Variants in RAB11B observed in about 807,000 individuals in gnomAD.
The protein encoded by RAB11B is ras-related protein Rab-11B.
A neutral mutation model predicts 23.7 loss-of-function variants in RAB11B; 7 were observed. The ratio of observed to expected loss-of-function variants is 0.29; its 90% CI spans 0.17 to 0.55. The LOEUF (loss-of-function observed/expected upper bound fraction) is 0.55. Among genes scored for constraint, RAB11B ranks in the 20% least tolerant of loss-of-function variants. The pLI, the probability that RAB11B is intolerant of heterozygous loss-of-function variation, is 0.93. For synonymous variants in RAB11B, 138 were observed against 132.0 expected, an observed-to-expected ratio of 1.05 and a Z score of -0.31; for missense variants, 189 against 320.0, an observed-to-expected ratio of 0.59 and a Z score of 3.12.
Position 8,403,808 on chromosome 19 carries a change from G to A in RAB11B, c.*250G>A. ...CCACAGCGTCTTGGCGGGGTGGGGA[G>A]GGCGGCAGGATGGACGGGGCTGGCC... is the stretch of plus-strand genomic sequence containing the variant. On this transcript the variant is annotated 3_prime_UTR_variant, in exon 5 of 5. Coordinates refer to ENST00000328024, the MANE Select transcript of RAB11B (RefSeq NM_004218.4). 2.0e-6 allele frequency: 1 copy of A among 497,238 alleles called. No individual in the cohort carries two copies. Among genetic ancestry groups the A allele is most frequent in the Non-Finnish European group, 3.5e-6 (1 of 289,538 alleles). 30.8% of individuals were successfully genotyped at this position (497,238 alleles called of 1,614,324 possible).
intron 1 of RAB11B, among the ~76,000 whole-genome samples, chr19:8,397,857 C>T (rs1489434601): frequency 6.6e-6 from 1 of 152,106 alleles, no homozygotes; most frequent in Non-Finnish European, 1.5e-5. Flanking sequence ...CCATCTCTTC[C>T]CAGACAAGGA....
At chr19:8,391,453 G>C (rs1400758344) in intron 1 of RAB11B, among the ~76,000 whole-genome samples, 3 of 152,238 alleles carry the variant, frequency 2.0e-5, no homozygotes, top group African/African-American at 7.2e-5. Flanking sequence ...GGGGGCTCTA[G>C]GAGCATCACA....
chr19:8,402,938 C>G (rs554788072), intron 4 of RAB11B: 1 of 429,006 alleles, frequency 2.3e-6, no homozygotes, highest in East Asian at 4.7e-5. Flanking sequence ...GCTGGGATTA[C>G]AGGCGTGAGC....
Position 8,396,132 on chromosome 19 carries a change from C to T in RAB11B, c.41-3731C>T, listed in dbSNP as rs1263958256. Among the ~76,000 whole-genome samples, 1 of 152,198 alleles carries T rather than the reference C, an allele frequency of 6.6e-6. No homozygotes were observed. Among genetic ancestry groups the T allele is most frequent in the African/African-American group, 2.4e-5 (1 of 41,454 alleles). On this transcript the variant is annotated intron_variant, in intron 1 of 4. Coordinates refer to ENST00000328024, the MANE Select transcript of RAB11B (RefSeq NM_004218.4). This position sits in a 1 kb window ranked among gnomAD's most constrained non-coding sequence, Gnocchi z 5.0. ...ACATCAAGAGCTTTGTTAGCACAAG[C>T]TCATCGAATATTCTCCTTGTTCTTG...
At chr19:8,392,217 G>T (rs1971360723) in intron 1 of RAB11B, among the ~76,000 whole-genome samples, 1 of 152,068 alleles carries the variant, frequency 6.6e-6, no homozygotes, top group Non-Finnish European at 1.5e-5. Flanking sequence ...GGTTTCTGTG[G>T]TTATCCCCTG....
intron 4 of RAB11B, 67 bp from the exon 5 acceptor site, chr19:8,403,346 A>G (rs1399950206): frequency 1.9e-6 from 3 of 1,559,550 alleles, no homozygotes; most frequent in African/African-American, 1.3e-5. Context: ...TCCTGCAGGG[A>G]GGGGTTCCCC....
At chr19:8,392,838 C>T (rs1049778934) in intron 1 of RAB11B, among the ~76,000 whole-genome samples, 1 of 151,548 alleles carries the variant, frequency 6.6e-6, no homozygotes, top group Middle Eastern at 3.2e-3. Context: ...TTACAAGCAC[C>T]CACCACACCC....
At chr19:8,392,677 TTTCTTTTC>T (rs1291442140) in intron 1 of RAB11B, among the ~76,000 whole-genome samples, 15 of 113,960 alleles carry the variant, frequency 1.3e-4, no homozygotes, top group African/African-American at 5.1e-4. Context: ...TCTTTTCCTT[TTTCTTTTC>T]TTTTTTTTTT....
At chr19:8,398,632 G>A (rs1451030227) in intron 1 of RAB11B, among the ~76,000 whole-genome samples, 2 of 152,176 alleles carry the variant, frequency 1.3e-5, no homozygotes, top group African/African-American at 4.8e-5. Context: ...AGCTGGATGT[G>A]GGTTTGCTGC....
Position 8,399,969 on chromosome 19 carries a change from C to T in RAB11B, c.147C>T (p.Ala49=), listed in dbSNP as rs1971425002. The T allele has an allele frequency of 6.2e-7, 1 of 1,614,090 alleles. No homozygotes were observed. The highest frequency in any genetic ancestry group is 1.1e-5 in the South Asian group (1 of 91,086). ...ESKSTIGVEF[A]TRSIQVDGKT... is the part of the protein sequence containing the mutation. The stretch of plus-strand genomic sequence containing the variant: ...AGAGCACCATCGGCGTGGAGTTCGC[C>T]ACCCGCAGCATCCAGGTGGACGGCA... Residue 49 remains alanine (A), a synonymous_variant, in exon 2 of 5, where the codon GCC becomes GCT. Transcript: ENST00000328024.
Position 8,402,531 on chromosome 19 carries a change from T to C in RAB11B, c.477T>C (p.Thr159=). Residue 159 remains threonine, a synonymous_variant, in exon 4 of 5, where the codon ACT becomes ACC. Coordinates refer to ENST00000328024, the MANE Select transcript of RAB11B (RefSeq NM_004218.4). The part of the protein sequence containing the change: ...SFIETSALDS[T]NVEEAFKNIL... Reference sequence around the variant, plus strand: ...TCGAGACCTCAGCCTTGGATTCCACTAACGTAGAGGAAGCATTCAAGAACA... The same window carrying C: ...TCGAGACCTCAGCCTTGGATTCCACCAACGTAGAGGAAGCATTCAAGAACA... The C allele has an allele frequency of 6.2e-7, 1 of 1,613,942 alleles. No homozygotes were observed. The highest frequency in any genetic ancestry group is 1.1e-5 in the South Asian group (1 of 91,078).
intron 1 of RAB11B, among the ~76,000 whole-genome samples, chr19:8,395,480 C>T (rs1971389994): frequency 6.6e-6 from 1 of 152,070 alleles, no homozygotes; most frequent in African/African-American, 2.4e-5. Context: ...AACTCCTGAC[C>T]TCAAATGATC....
chr19:8,391,066 C>A (rs1237695466), intron 1 of RAB11B, among the ~76,000 whole-genome samples: 2 of 152,098 alleles, frequency 1.3e-5, no homozygotes, highest in Non-Finnish European at 2.9e-5. Flanking sequence ...GGAAAGGCAC[C>A]CGTGTGTGCA....
chr19:8,391,206 T>C (rs1019643615), intron 1 of RAB11B, among the ~76,000 whole-genome samples: 1 of 152,226 alleles, frequency 6.6e-6, no homozygotes, highest in Non-Finnish European at 1.5e-5. Context: ...AACCAGCCTC[T>C]CTTTTTACAC....
chr19:8,390,384 G>C lies in RAB11B; in HGVS notation c.-33G>C, dbSNP rs751111340. 6.6e-7 allele frequency: 1 copy of C among 1,523,942 alleles called. No individual in the cohort carries two copies. The highest frequency in any genetic ancestry group is 8.8e-7 in the Non-Finnish European group (1 of 1,139,332). The allele number at this position is 1,523,942 out of a possible 1,614,324, so 94.4% of individuals were successfully genotyped here. On this transcript the variant is annotated 5_prime_UTR_variant, in exon 1 of 5. Transcript: ENST00000328024. ...CGTCGGGTGTTTGTGGTGGGGCTGCGGAGTCGCCGATCCCGCCGGAAGCGC... is the reference window on the plus strand; with the variant it reads ...CGTCGGGTGTTTGTGGTGGGGCTGCCGAGTCGCCGATCCCGCCGGAAGCGC...
intron 1 of RAB11B, among the ~76,000 whole-genome samples, chr19:8,398,904 C>G (rs1315912282): frequency 6.6e-6 from 1 of 152,066 alleles, no homozygotes. Flanking sequence ...GCCTCAGCCT[C>G]CTGAGTAGCT....
chr19:8,399,710 C>T (rs548874516), intron 1 of RAB11B, among the ~76,000 whole-genome samples, 153 bp from the exon 2 acceptor site: 1 of 152,342 alleles, frequency 6.6e-6, no homozygotes, highest in East Asian at 1.9e-4. Context: ...CCACTTAGCA[C>T]AGTGCCTGCA....
At chr19:8,403,353 C>A in intron 4 of RAB11B, 60 bp from the exon 5 acceptor site, 1 of 1,567,188 alleles carries the variant, frequency 6.4e-7, no homozygotes, top group Non-Finnish European at 8.7e-7. Flanking sequence ...GGGAGGGGTT[C>A]CCCTCGGCAG....
At chr19:8,402,748 C>T (rs547992442) in intron 4 of RAB11B, 183 bp downstream of exon 4, 6 of 597,418 alleles carry the variant, frequency 1.0e-5, no homozygotes, top group East Asian at 2.9e-5. Context: ...CTGCAACCTC[C>T]GCCTTCCAGG....
Sources: gnomAD v4.1 joint callset for allele counts (sites outside exome capture counted in the v4.1 genomes callset) on GRCh38, gnomAD v4.1.1 for gene constraint, Gnocchi (gnomAD v3.1) non-coding constraint, MANE v1.5 for transcripts, NCBI Gene and HGNC (gene_info 2026-07-23, HGNC 2026-07-21) for gene names.